DOK1: variants seen among roughly 807,000 people sequenced by gnomAD.
DOK1 encodes docking protein 1.
Under a neutral mutation model 24.0 loss-of-function variants are expected in DOK1, and 12 were observed. The observed-to-expected ratio is 0.50, with a 90% CI of 0.32 to 0.81. DOK1 has a LOEUF of 0.81. Among genes scored for constraint, DOK1 ranks in the 30% least tolerant of loss-of-function variants. The pLI is 0.03. For synonymous variants in DOK1, 250 were observed against 260.9 expected, an observed-to-expected ratio of 0.96 and a Z score of 0.40; for missense variants, 591 against 620.7, an observed-to-expected ratio of 0.95 and a Z score of 0.51.
chr2:74,554,785 T>G lies in DOK1; in HGVS notation c.31T>G (p.Phe11Val). The G allele has an allele frequency of 3.7e-6, 6 of 1,614,128 alleles. No homozygotes were observed. The highest frequency in any genetic ancestry group is 5.1e-6 in the Non-Finnish European group (6 of 1,180,006). MDGAVMEGPL[F>V]LQSQRFGTKR... is the part of the protein sequence containing the mutation. ...CGGAGCAGTGATGGAAGGGCCGCTT[T>G]TTTTGCAGAGTCAGCGCTTTGGGAC... The change falls in exon 1 of 5, where the codon TTT becomes GTT. Residue 11 changes from phenylalanine to valine, a missense_variant. Coordinates refer to ENST00000233668, the MANE Select transcript of DOK1 (RefSeq NM_001381.5). This position sits in a 1 kb window ranked among gnomAD's most constrained non-coding sequence, Gnocchi z 4.9.
rs1055997797 is a variant in DOK1, at chr2:74,549,171, A to G, written c.-359A>G. ...CGGGAGCCTCGCTGGTCCCCATTTC[A>G]GGTACTCCCTTGGGGCACCTTTCGT... is the stretch of plus-strand genomic sequence containing the variant. On this transcript the variant is annotated splice_region_variant and 5_prime_UTR_variant, in exon 1 of 5. Transcript: ENST00000409429. The surrounding 1 kb of genome is among the most constrained non-coding windows in gnomAD (Gnocchi z 5.3). 1.2e-5 allele frequency: 6 copies of G among 498,670 alleles called. No individual in the cohort carries two copies. The highest frequency in any genetic ancestry group is 2.0e-5 in the Non-Finnish European group (6 of 300,952). 30.9% of individuals were successfully genotyped at this position (498,670 alleles called of 1,614,324 possible).
At chr2:74,554,550 A>C, upstream of DOK1, 2 of 568,414 alleles carry the variant, frequency 3.5e-6, no homozygotes, top group Non-Finnish European at 3.1e-6. The surrounding 1 kb of genome is among the most constrained non-coding windows in gnomAD (Gnocchi z 4.9). Context: ...GACGGCGGGT[A>C]GGGGCCTGGG....
At chr2:74,552,611 C>T (rs766856047), upstream of DOK1, 1 of 1,574,724 alleles carries the variant, frequency 6.4e-7, no homozygotes, top group Non-Finnish European at 8.7e-7. Flanking sequence ...AGGGGCTCCA[C>T]TGCCAGACAC....
chr2:74,549,611 G>T lies in DOK1; in HGVS notation c.-358+439G>T. ...GGGGGCGGGGCCACAAGCAGGGAAA[G>T]AATCCCAGTGGCACCTTTCATGTGT... On this transcript the variant is annotated intron_variant, in intron 1 of 4. Transcript: ENST00000409429. The surrounding 1 kb of genome is among the most constrained non-coding windows in gnomAD (Gnocchi z 5.3). 1 of 1,589,602 alleles carries T rather than the reference G, an allele frequency of 6.3e-7. No individual in the cohort carries two copies. The highest frequency in any genetic ancestry group is 8.6e-7 in the Non-Finnish European group (1 of 1,163,688).
upstream of DOK1, among the ~76,000 whole-genome samples, chr2:74,551,366 A>G (rs1677000097): frequency 1.3e-5 from 2 of 152,224 alleles, no homozygotes; most frequent in South Asian, 4.1e-4. Flanking sequence ...GGAGACACCT[A>G]GCTCCTGCCC....
rs1036153113 is a variant in DOK1 at position 74,555,739 on chromosome 2, T to G, written c.454+71T>G. The G allele has an allele frequency of 9.3e-5, 149 of 1,606,560 alleles. No individual in the cohort carries two copies. In the African/African-American group the frequency reaches 1.9e-3, roughly 20 times the overall value. Reference sequence around the variant, plus strand: ...GGGCCGAGGGCCTTTGGGAAGTGGGTGGATACCCAGGGGCCCATGGGGAAG... The same window carrying G: ...GGGCCGAGGGCCTTTGGGAAGTGGGGGGATACCCAGGGGCCCATGGGGAAG... On this transcript the variant is annotated intron_variant, in intron 3 of 4. Coordinates refer to ENST00000233668, the MANE Select transcript of DOK1 (RefSeq NM_001381.5). The surrounding 1 kb of genome is among the most constrained non-coding windows in gnomAD (Gnocchi z 6.1).
In DOK1 at chr2:74,555,705, AGAG is replaced by A. The variant is rs745688265; in HGVS notation, c.454+45_454+47del. 1.9e-6 allele frequency: 3 copies of A among 1,612,906 alleles called. No individual in the cohort carries two copies. Among genetic ancestry groups the A allele is most frequent in the Non-Finnish European group, 2.5e-6 (3 of 1,179,644 alleles). On this transcript the variant is annotated intron_variant, in intron 3 of 4. Coordinates refer to ENST00000233668, the MANE Select transcript of DOK1 (RefSeq NM_001381.5). This position sits in a 1 kb window ranked among gnomAD's most constrained non-coding sequence, Gnocchi z 6.1. ...AGAAGCCCGGGCAGGGATGGAGTGAAGAGGAGGAGGGCCGAGGGCCTTTGGGAA... is the reference window on the plus strand; with the variant it reads ...AGAAGCCCGGGCAGGGATGGAGTGAAGAGGAGGGCCGAGGGCCTTTGGGAA...
chr2:74,556,533 C>G lies in DOK1; in HGVS notation c.865C>G (p.Leu289Val). Residue 289 changes from leucine (L) to valine (V), a missense_variant, in exon 5 of 5, where the codon CTC becomes GTC. By Grantham distance (32) the Leu-to-Val change is conservative (BLOSUM62 1). Transcript: ENST00000233668. This position sits in a 1 kb window ranked among gnomAD's most constrained non-coding sequence, Gnocchi z 4.1. ...LPSPPGPQEL[L>V]DSPPALYAEP... is the part of the protein sequence containing the mutation. Reference sequence around the variant, plus strand: ...TTCCCCACCTGGCCCCCAAGAGCTCCTCGACAGTCCCCCAGCCCTGTATGC... The same window carrying G: ...TTCCCCACCTGGCCCCCAAGAGCTCGTCGACAGTCCCCCAGCCCTGTATGC... 1 of 1,614,186 alleles carries G rather than the reference C, an allele frequency of 6.2e-7. No individual in the cohort carries two copies. Among genetic ancestry groups the G allele is most frequent in the Non-Finnish European group, 8.5e-7 (1 of 1,180,038 alleles).
Position 74,557,180 on chromosome 2 carries a change from A to T in DOK1, c.*66A>T. 1 of 1,511,676 alleles carries T rather than the reference A, an allele frequency of 6.6e-7. No individual in the cohort carries two copies. Among genetic ancestry groups the T allele is most frequent in the African/African-American group, 1.4e-5 (1 of 72,250 alleles). The allele number at this position is 1,511,676 out of a possible 1,614,324, so 93.6% of individuals were successfully genotyped here. A position where few individuals can be genotyped will look rare whatever the true frequency, so the allele number is the denominator to read the frequency against. On this transcript the variant is annotated 3_prime_UTR_variant, in exon 5 of 5. Coordinates refer to ENST00000233668, the MANE Select transcript of DOK1 (RefSeq NM_001381.5). ...GAGGTGGCACTAGGGATCAAAGAAG[A>T]TGGTTAGAACCAGCAGAAGCCAGAG...
upstream of DOK1, chr2:74,552,276 G>A: frequency 1.9e-6 from 3 of 1,541,130 alleles, no homozygotes; most frequent in Non-Finnish European, 2.7e-6. Context: ...CCTGCACTTT[G>A]GCCACACATA....
Position 74,555,503 on chromosome 2 carries a change from A to G in DOK1, c.360+50A>G, listed in dbSNP as rs753088524. The G allele has an allele frequency of 1.2e-6, 2 of 1,611,144 alleles. No individual in the cohort carries two copies. Among genetic ancestry groups the G allele is most frequent in the Admixed American group, 1.7e-5 (1 of 59,728 alleles). On this transcript the variant is annotated intron_variant, in intron 2 of 4. Coordinates refer to ENST00000233668, the MANE Select transcript of DOK1 (RefSeq NM_001381.5). This position sits in a 1 kb window ranked among gnomAD's most constrained non-coding sequence, Gnocchi z 6.1. ...TGGGGGCAGTTACAGAGGCAGAGAA[A>G]TGGGGCTGCCTCAGACCGACCCCCG...
At chr2:74,550,095 G>T (rs755625809), upstream of DOK1, 26 of 1,502,424 alleles carry the variant, frequency 1.7e-5, no homozygotes, top group Admixed American at 3.7e-4. Flanking sequence ...TCCCCCAGGG[G>T]TAACTACCTT....
upstream of DOK1, chr2:74,550,425 G>A: frequency 6.8e-7 from 1 of 1,464,512 alleles, no homozygotes; most frequent in Non-Finnish European, 9.3e-7. Flanking sequence ...AGGGAAGAGT[G>A]AGTGCTGAGG....
chr2:74,554,637 C>A (rs1041611954), upstream of DOK1: 5 of 976,224 alleles, frequency 5.1e-6, no homozygotes, highest in South Asian at 1.6e-5. The surrounding 1 kb of genome is among the most constrained non-coding windows in gnomAD (Gnocchi z 4.9). Flanking sequence ...CGCGACCCCC[C>A]CAGCGGCTGC....
chr2:74,549,923 GAGA>G (rs1676892333), upstream of DOK1: 1 of 985,462 alleles, frequency 1.0e-6, no homozygotes, highest in South Asian at 4.7e-5. This position sits in a 1 kb window ranked among gnomAD's most constrained non-coding sequence, Gnocchi z 5.3. Context: ...AACATTTGAG[GAGA>G]AGGAGAGCAC....
In DOK1 at chr2:74,556,473, T is replaced by G. The variant is rs574281430; in HGVS notation, c.805T>G (p.Ser269Ala). The G allele has an allele frequency of 1.2e-6, 2 of 1,614,100 alleles. No individual in the cohort carries two copies. The highest frequency in any genetic ancestry group is 1.7e-6 in the Non-Finnish European group (2 of 1,180,016). ...GQGHDVLRAD[S>A]HEGEVAEGKL... ...GGGGCACGATGTTCTCAGAGCTGAC[T>G]CCCATGAAGGGGAGGTGGCAGAGGG... The change falls in exon 5 of 5, where the codon TCC becomes GCC. Residue 269 changes from serine (S) to alanine (A), a missense_variant. Coordinates refer to ENST00000233668, the MANE Select transcript of DOK1 (RefSeq NM_001381.5). The surrounding 1 kb of genome is among the most constrained non-coding windows in gnomAD (Gnocchi z 4.1).
rs1677475426 is a variant in DOK1 at position 74,556,448 on chromosome 2, G to C, written c.780G>C (p.Gln260His). The change falls in exon 5 of 5, where the codon CAG becomes CAC. Residue 260 changes from glutamine to histidine, a missense_variant. Gln to His is a conservative substitution (Grantham distance 24). Transcript: ENST00000233668. This position sits in a 1 kb window ranked among gnomAD's most constrained non-coding sequence, Gnocchi z 4.1. ...HRQKAQGKAG[Q>H]GHDVLRADSH... is the part of the protein sequence containing the mutation. ...AGAAGGCCCAGGGAAAGGCCGGACA[G>C]GGGCACGATGTTCTCAGAGCTGACT... is the stretch of plus-strand genomic sequence containing the variant. The C allele has an allele frequency of 6.2e-7, 1 of 1,614,064 alleles. No homozygotes were observed. Among genetic ancestry groups the C allele is most frequent in the African/African-American group, 1.3e-5 (1 of 74,922 alleles).
chr2:74,550,043 C>T, upstream of DOK1: 11 of 1,472,702 alleles, frequency 7.5e-6, no homozygotes, highest in Non-Finnish European at 9.8e-6. Context: ...CATCTGGGAG[C>T]TCTATCATTT....
chr2:74,553,433 T>G (rs1310840669), upstream of DOK1, among the ~76,000 whole-genome samples: 2 of 152,032 alleles, frequency 1.3e-5, no homozygotes, highest in African/African-American at 4.8e-5. Flanking sequence ...TGGGGTAGGG[T>G]TGTCCCAGCC....
Sources: allele counts gnomAD v4.1 joint callset (sites outside exome capture counted in the v4.1 genomes callset), GRCh38; gene constraint gnomAD v4.1.1; non-coding constraint Gnocchi (gnomAD v3.1); transcripts MANE v1.5; gene names NCBI Gene and HGNC (gene_info 2026-07-23, HGNC 2026-07-21).